FHAD1: variants seen among roughly 807,000 people sequenced by gnomAD.
FHAD1 encodes the protein forkhead associated phosphopeptide binding domain 1.
FHAD1 carries 146 observed loss-of-function variants against 191.3 expected under a neutral mutation model. The observed-to-expected ratio is 0.76, with a 90% CI of 0.67 to 0.88. The LOEUF (loss-of-function observed/expected upper bound fraction) is 0.88. FHAD1 is among the 40% of genes least tolerant of loss of function. The pLI, the probability that FHAD1 is intolerant of heterozygous loss-of-function variation, is 0.00. For missense variants in FHAD1, 1,635 were observed against 1,785.8 expected (o/e 0.92, Z 1.52); for synonymous variants, 616 against 672.3 (o/e 0.92, Z 1.29).
At chr1:15,358,792 C>T (rs909423238) in intron 21 of FHAD1, among the ~76,000 whole-genome samples, 4 of 152,134 alleles carry the variant, frequency 2.6e-5, no homozygotes, top group Admixed American at 6.5e-5. Context: ...GTCATCCACA[C>T]GTTCAACCGA....
At chr1:15,288,873 T>C (rs1014369600) in intron 3 of FHAD1, among the ~76,000 whole-genome samples, 15 of 152,210 alleles carry the variant, frequency 9.9e-5, no homozygotes, top group Non-Finnish European at 1.6e-4. Flanking sequence ...GGGTAAAGCA[T>C]GCACTCACTC....
At chr1:15,346,721 T>C (rs1404279901) in intron 18 of FHAD1, among the ~76,000 whole-genome samples, 1 of 152,262 alleles carries the variant, frequency 6.6e-6, no homozygotes, top group African/African-American at 2.4e-5. Context: ...TCTGCTTTCA[T>C]GAATTCCTCA....
intron 3 of FHAD1, among the ~76,000 whole-genome samples, chr1:15,279,378 G>A (rs1659649031): frequency 6.6e-6 from 1 of 152,106 alleles, no homozygotes; most frequent in South Asian, 2.1e-4. Context: ...AAGGCCAGAA[G>A]CATCAGCTTC....
intron 25 of FHAD1, among the ~76,000 whole-genome samples, chr1:15,368,403 T>A (rs1470851120): frequency 1.3e-5 from 2 of 152,168 alleles, no homozygotes; most frequent in African/African-American, 4.8e-5. Context: ...ACTGGAGGTG[T>A]CAGCTTAAAA....
At chr1:15,343,334 G>A (rs1377446360) in intron 16 of FHAD1, among the ~76,000 whole-genome samples, 1 of 152,038 alleles carries the variant, frequency 6.6e-6, no homozygotes, top group Admixed American at 6.6e-5. Context: ...GTGGAGCAGC[G>A]TGTGCATGCT....
chr1:15,315,699 G>T (rs911936661), intron 8 of FHAD1, among the ~76,000 whole-genome samples: 2 of 151,960 alleles, frequency 1.3e-5, no homozygotes, highest in Non-Finnish European at 2.9e-5. Context: ...TGTTAGCCAG[G>T]GTGGTCTCAA....
intron 33 of FHAD1, among the ~76,000 whole-genome samples, chr1:15,394,995 G>A (rs1705435341): frequency 6.6e-6 from 1 of 152,136 alleles, no homozygotes; most frequent in Non-Finnish European, 1.5e-5. Flanking sequence ...CTTTTATAAA[G>A]ATACAGAAAT....
intron 5 of FHAD1, among the ~76,000 whole-genome samples, chr1:15,297,184 C>A (rs1333732996): frequency 1.3e-5 from 2 of 152,106 alleles, no homozygotes; most frequent in African/African-American, 4.8e-5. Context: ...GTTAACTTCC[C>A]TAGTGGGAGG....
chr1:15,383,787 C>T (rs751677955), intron 31 of FHAD1: 23 of 377,078 alleles, frequency 6.1e-5, no homozygotes, highest in South Asian at 1.8e-4. Flanking sequence ...CTGCCTGGTA[C>T]GATGATCCCT....
rs1362076111 is a variant in FHAD1 at position 15,289,664 on chromosome 1, A to C, written c.566A>C (p.Gln189Pro). The C allele has an allele frequency of 6.5e-7, 1 of 1,547,132 alleles. No individual in the cohort carries two copies. The highest frequency in any genetic ancestry group is 1.2e-5 in the South Asian group (1 of 83,928). The stretch of plus-strand genomic sequence containing the variant: ...GCCCGCAAGCCACCCGTCATCAAGC[A>C]AGGTATGCGTCAGGGCTGCCATTGG... ...DDARKPPVIK[Q>P]VWTNAMKLSE... The change falls in exon 4 of 34, where the codon CAA (glutamine) becomes CCA (proline). Residue 189 changes from glutamine to proline, a missense_variant and splice_region_variant. Physicochemically the swap from Gln to Pro is moderately conservative, Grantham distance 76. Transcript: ENST00000688493. The surrounding 1 kb of genome is among the most constrained non-coding windows in gnomAD (Gnocchi z 4.2).
In FHAD1 at chr1:15,257,774, C is replaced by T. The variant is rs138133826; in HGVS notation, c.93+5897C>T. On this transcript the variant is annotated intron_variant, in intron 2 of 33. Transcript: ENST00000688493. ...CTCTCTTTTCAATAAATACACACAA[C>T]GTAACATTTATCATCTTCGCCATTT... Among the ~76,000 whole-genome samples, 955 of 152,328 alleles carry T rather than the reference C, an allele frequency of 6.3e-3. 7 individuals carry two copies. Among genetic ancestry groups the T allele is most frequent in the Non-Finnish European group, 0.01 (693 of 68,020 alleles).
chr1:15,300,241 A>G (rs1361094961), intron 5 of FHAD1, among the ~76,000 whole-genome samples: 2 of 151,916 alleles, frequency 1.3e-5, no homozygotes, highest in African/African-American at 4.8e-5. Context: ...TCTTTTGGAG[A>G]GATGGGGGAC....
At chr1:15,305,818 C>T (rs748918046) in intron 6 of FHAD1, 1 of 433,366 alleles carries the variant, frequency 2.3e-6, no homozygotes, top group South Asian at 1.6e-5. Flanking sequence ...CCATGTGGAA[C>T]TGTAAGTCCA....
Position 15,377,879 on chromosome 1 carries a change from C to T in FHAD1, c.3705+2149C>T, listed in dbSNP as rs150482222. 1.5e-4 allele frequency among the ~76,000 whole-genome samples: 23 copies of T among 152,086 alleles called. No homozygotes were observed. In the South Asian group the frequency reaches 2.9e-3, roughly 19 times the overall value. The stretch of plus-strand genomic sequence containing the variant: ...TGAAGAGAAGGAGCAGGAGGAAGAA[C>T]AGCTGGCATTTACTGAGTGCTTACT... On this transcript the variant is annotated intron_variant, in intron 28 of 33. Coordinates refer to ENST00000688493, the MANE Select transcript of FHAD1 (RefSeq NM_001391957.1).
intron 1 of FHAD1, among the ~76,000 whole-genome samples, chr1:15,240,336 A>T (rs1427253980): frequency 6.6e-6 from 1 of 152,236 alleles, no homozygotes; most frequent in African/African-American, 2.4e-5. Flanking sequence ...TGTGAGCTTG[A>T]AACTGGATCC....
In FHAD1 at chr1:15,344,365, C is replaced by T. The variant is rs113342369; in HGVS notation, c.2131-718C>T. Among the ~76,000 whole-genome samples the T allele has an allele frequency of 5.1e-3, 775 of 152,298 alleles. 6 individuals are homozygous for T. Among genetic ancestry groups the T allele is most frequent in the Non-Finnish European group, 8.0e-3 (546 of 68,018 alleles). On this transcript the variant is annotated intron_variant, in intron 16 of 33. Transcript: ENST00000688493. The stretch of plus-strand genomic sequence containing the variant: ...ATTCTATGTTCCTTTATCAATCTAA[C>T]ATTCTTTTCTTATTGCCAGTTGTTG...
intron 19 of FHAD1, among the ~76,000 whole-genome samples, chr1:15,350,994 A>G (rs1690662514): frequency 6.6e-6 from 1 of 152,198 alleles, no homozygotes; most frequent in Non-Finnish European, 1.5e-5. Flanking sequence ...GGGGTCCTGA[A>G]GCTCAGGCTA....
chr1:15,346,956 C>T (rs1294422518), intron 18 of FHAD1, among the ~76,000 whole-genome samples: 2 of 152,216 alleles, frequency 1.3e-5, no homozygotes, highest in Non-Finnish European at 2.9e-5. Flanking sequence ...TGTGCCTCTT[C>T]TTCTGTTTGG....
chr1:15,381,538 T>G lies in FHAD1; in HGVS notation c.4022+87T>G, dbSNP rs1422173580. ...CAGGCTAGCAGCAGACCTCTAGGCC[T>G]GGGACAGGAGGACAGAGACCCACGT... On this transcript the variant is annotated intron_variant, in intron 30 of 33. Transcript: ENST00000688493. This position sits in a 1 kb window ranked among gnomAD's most constrained non-coding sequence, Gnocchi z 4.6. 9.4e-7 allele frequency: 1 copy of G among 1,060,314 alleles called. No homozygotes were observed. Among genetic ancestry groups the G allele is most frequent in the Non-Finnish European group, 1.4e-6 (1 of 716,874 alleles). 65.7% of individuals were successfully genotyped at this position (1,060,314 alleles called of 1,614,324 possible). A position where few individuals can be genotyped will look rare whatever the true frequency, so the allele number is the denominator to read the frequency against.
Sources: gnomAD v4.1 joint callset for allele counts (sites outside exome capture counted in the v4.1 genomes callset) on GRCh38, gnomAD v4.1.1 for gene constraint, Gnocchi (gnomAD v3.1) non-coding constraint, MANE v1.5 for transcripts, NCBI Gene and HGNC (gene_info 2026-07-23, HGNC 2026-07-21) for gene names.